Variants in ZBTB7C observed in about 807,000 individuals in gnomAD.
ZBTB7C encodes the protein zinc finger and BTB domain containing 7C.
Under a neutral mutation model 25.7 loss-of-function variants are expected in ZBTB7C, and 8 were observed. The ratio of observed to expected loss-of-function variants is 0.31; its 90% CI spans 0.18 to 0.56. The LOEUF (loss-of-function observed/expected upper bound fraction) is 0.56, where lower values mean the gene tolerates loss of function less well. Ranked by LOEUF, ZBTB7C falls within the 20% of genes least tolerant of loss-of-function variation. The pLI, the probability that ZBTB7C is intolerant of heterozygous loss-of-function variation, is 0.91. For missense variants in ZBTB7C, 824 were observed against 855.2 expected, an observed-to-expected ratio of 0.96 and a Z score of 0.46; for synonymous variants, 394 against 369.0, an observed-to-expected ratio of 1.07 and a Z score of -0.78.
chr18:48,211,705 T>C (rs1171648834), intron 2 of ZBTB7C, among the ~76,000 whole-genome samples: 1 of 152,168 alleles, frequency 6.6e-6, no homozygotes, highest in Admixed American at 6.5e-5. Flanking sequence ...CTAGTGAGGA[T>C]GTGGAGCAAC....
intron 1 of ZBTB7C, among the ~76,000 whole-genome samples, chr18:48,338,913 G>GA (rs1437921811): frequency 2.4e-5 from 3 of 123,460 alleles, no homozygotes; most frequent in African/African-American, 1.2e-4. Context: ...TAGTTTGTTG[G>GA]GGGGGGGGGG....
At chr18:48,326,104 T>TTTAC (rs1262800114) in intron 2 of ZBTB7C, among the ~76,000 whole-genome samples, 2 of 150,524 alleles carry the variant, frequency 1.3e-5, no homozygotes, top group Admixed American at 6.6e-5. Context: ...TCTTTTTTTT[T>TTTAC]TTTTTTTTTG....
At chr18:48,035,244 CAGAG>C (rs916375090) in intron 4 of ZBTB7C, among the ~76,000 whole-genome samples, 4 of 152,256 alleles carry the variant, frequency 2.6e-5, no homozygotes, top group African/African-American at 9.6e-5. Flanking sequence ...CGTGCCTTGT[CAGAG>C]AGTGACTGCG....
intron 1 of ZBTB7C, among the ~76,000 whole-genome samples, chr18:48,381,893 A>G (rs926928332): frequency 6.6e-6 from 1 of 152,218 alleles, no homozygotes; most frequent in African/African-American, 2.4e-5. Flanking sequence ...TCTGATCAGA[A>G]GCGGCATATA....
chr18:48,160,112 T>A (rs2040958456), intron 3 of ZBTB7C, among the ~76,000 whole-genome samples: 1 of 152,206 alleles, frequency 6.6e-6, no homozygotes, highest in African/African-American at 2.4e-5. Flanking sequence ...TCCCGCACAA[T>A]GACTGGGCTT....
intron 4 of ZBTB7C, among the ~76,000 whole-genome samples, chr18:48,037,365 C>G (rs1272539141): frequency 1.3e-5 from 2 of 152,176 alleles, no homozygotes; most frequent in Non-Finnish European, 2.9e-5. Flanking sequence ...GACAGAGAGG[C>G]CACCCCAAGT....
chr18:48,285,841 T>C (rs1250613091), intron 2 of ZBTB7C, among the ~76,000 whole-genome samples: 1 of 152,228 alleles, frequency 6.6e-6, no homozygotes, highest in Non-Finnish European at 1.5e-5. Flanking sequence ...ATTTTTGTTT[T>C]TGTTTGTTTG....
At chr18:48,316,631 C>T (rs2045954478) in intron 2 of ZBTB7C, among the ~76,000 whole-genome samples, 2 of 152,212 alleles carry the variant, frequency 1.3e-5, no homozygotes, top group Non-Finnish European at 2.9e-5. Flanking sequence ...CCTGGCATCT[C>T]TTGCTCCCTC....
intron 2 of ZBTB7C, among the ~76,000 whole-genome samples, chr18:48,251,862 C>CCTCT (rs370257102): frequency 6.6e-6 from 1 of 150,660 alleles, no homozygotes; most frequent in Non-Finnish European, 1.5e-5. Context: ...TTCAGGTGTC[C>CCTCT]CTCTCTCTCT....
intron 3 of ZBTB7C, chr18:48,169,975 T>G (rs545399047): frequency 6.6e-6 from 1 of 152,304 alleles, no homozygotes; most frequent in Non-Finnish European, 1.5e-5. Flanking sequence ...TTTCCCTGAC[T>G]CCATCTACTC....
intron 2 of ZBTB7C, among the ~76,000 whole-genome samples, chr18:48,291,838 T>G (rs1353161371): frequency 6.6e-6 from 1 of 152,052 alleles, no homozygotes; most frequent in Non-Finnish European, 1.5e-5. Context: ...CAGGGCTAAC[T>G]CATAACATGT....
At chr18:48,227,446 A>G (rs1301567432) in intron 2 of ZBTB7C, among the ~76,000 whole-genome samples, 1 of 152,132 alleles carries the variant, frequency 6.6e-6, no homozygotes, top group Non-Finnish European at 1.5e-5. Flanking sequence ...CACTAAGGAG[A>G]AGGATGTGTC....
intron 2 of ZBTB7C, among the ~76,000 whole-genome samples, chr18:48,237,175 C>G (rs1249964146): frequency 4.6e-5 from 7 of 152,160 alleles, no homozygotes. Flanking sequence ...CCAAACTTAG[C>G]CAAAATCCAG....
intron 1 of ZBTB7C, among the ~76,000 whole-genome samples, chr18:48,403,949 A>T (rs186997568): frequency 6.6e-6 from 1 of 152,302 alleles, no homozygotes; most frequent in African/African-American, 2.4e-5. Context: ...AGCCTCTAAA[A>T]AAGAAAAGAA....
chr18:48,395,260 AG>A (rs1203913936), intron 1 of ZBTB7C, among the ~76,000 whole-genome samples: 3 of 147,414 alleles, frequency 2.0e-5, no homozygotes, highest in South Asian at 2.2e-4. Flanking sequence ...AGAGAGAGAG[AG>A]AGAATGTGTG....
At chr18:48,193,924 T>C (rs924522268) in intron 2 of ZBTB7C, among the ~76,000 whole-genome samples, 9 of 152,206 alleles carry the variant, frequency 5.9e-5, no homozygotes, top group Non-Finnish European at 8.8e-5. Context: ...GAAGCCATGG[T>C]GTGATTCAGA....
intron 1 of ZBTB7C, among the ~76,000 whole-genome samples, chr18:48,353,881 G>C (rs1478904521): frequency 6.6e-6 from 1 of 152,160 alleles, no homozygotes; most frequent in East Asian, 1.9e-4. Flanking sequence ...GGCCCAGGAG[G>C]GGGGTCCAAA....
intron 3 of ZBTB7C, among the ~76,000 whole-genome samples, chr18:48,180,119 C>CCTTCCTTCCTTCCTTG (rs2041868806): frequency 1.5e-5 from 2 of 130,118 alleles, no homozygotes; most frequent in Admixed American, 7.6e-5. Context: ...TCCTTTCCTT[C>CCTTCCTTCCTTCCTTG]CTTCCTTCCT....
chr18:48,159,373 G>C (rs371497755), intron 3 of ZBTB7C, among the ~76,000 whole-genome samples: 2 of 152,164 alleles, frequency 1.3e-5, no homozygotes, highest in African/African-American at 4.8e-5. Flanking sequence ...ATTCAATAAA[G>C]TAATACTTAC....
Sources: allele counts gnomAD v4.1 joint callset (sites outside exome capture counted in the v4.1 genomes callset), GRCh38; gene constraint gnomAD v4.1.1; transcripts MANE v1.5; gene names NCBI Gene and HGNC (gene_info 2026-07-23, HGNC 2026-07-21).